Variants in LRRC4C observed in about 807,000 individuals in gnomAD.
LRRC4C encodes the protein leucine rich repeat containing 4C.
A neutral mutation model predicts 33.6 loss-of-function variants in LRRC4C; 5 were observed. The observed-to-expected ratio is 0.15, with a 90% CI of 0.08 to 0.31. The LOEUF (loss-of-function observed/expected upper bound fraction) is 0.31. Among genes scored for constraint, LRRC4C ranks in the 10% least tolerant of loss-of-function variants. The pLI is 1.00. For synonymous variants in LRRC4C, 329 were observed against 302.0 expected (o/e 1.09, Z -0.93); for missense variants, 560 against 796.7 (o/e 0.70, Z 3.58).
chr11:40,317,191 T>C (rs1303616607), intron 4 of LRRC4C, among the ~76,000 whole-genome samples: 2 of 151,834 alleles, frequency 1.3e-5, no homozygotes, highest in East Asian at 3.9e-4. Context: ...TTTTGTTTTT[T>C]TTTTTAGGAG....
chr11:41,215,705 A>G (rs933164032), intron 1 of LRRC4C, among the ~76,000 whole-genome samples: 1 of 152,126 alleles, frequency 6.6e-6, no homozygotes, highest in Non-Finnish European at 1.5e-5. Context: ...TATAGCCTGT[A>G]TCAGTACTTT....
At chr11:41,083,686 A>T (rs963741000) in intron 1 of LRRC4C, among the ~76,000 whole-genome samples, 5 of 152,140 alleles carry the variant, frequency 3.3e-5, no homozygotes, top group Non-Finnish European at 5.9e-5. Flanking sequence ...TAAATATTAT[A>T]AGATGCGGAA....
chr11:41,064,766 A>C (rs577363517), intron 1 of LRRC4C, among the ~76,000 whole-genome samples: 1 of 152,340 alleles, frequency 6.6e-6, no homozygotes, highest in South Asian at 2.1e-4. Flanking sequence ...GGTGTAACCC[A>C]CAGAGGGAGC....
rs1209410081 is a variant in LRRC4C, at chr11:40,987,649, ATATC to A, written c.-495-53930_-495-53927del. Among the ~76,000 whole-genome samples the A allele has an allele frequency of 5.9e-4, 29 of 48,780 alleles. 2 individuals are homozygous for A. The highest frequency in any genetic ancestry group is 3.6e-3 in the South Asian group (5 of 1,372). 32.0% of individuals were successfully genotyped at this position (48,780 alleles called of 152,430 possible). A position where few individuals can be genotyped will look rare whatever the true frequency, so the allele number is the denominator to read the frequency against. ...GGTAATGATATATATATATATATAT[ATATC>A]TCATATATATGAGATATAAATGATA... On this transcript the variant is annotated intron_variant, in intron 1 of 6. Transcript: ENST00000528697.
intron 1 of LRRC4C, among the ~76,000 whole-genome samples, chr11:40,993,068 A>C (rs1443388262): frequency 6.6e-6 from 1 of 152,140 alleles, no homozygotes; most frequent in African/African-American, 2.4e-5. Context: ...GGCAATTAAA[A>C]TAAAATAATA....
intron 1 of LRRC4C, among the ~76,000 whole-genome samples, chr11:41,103,398 C>A (rs747408322): frequency 1.4e-4 from 21 of 151,848 alleles, no homozygotes; most frequent in Non-Finnish European, 2.9e-5. Flanking sequence ...TCTAATGCAG[C>A]CTACCAAATC....
intron 3 of LRRC4C, among the ~76,000 whole-genome samples, chr11:40,602,398 T>C (rs1409855312): frequency 1.3e-5 from 2 of 152,118 alleles, no homozygotes; most frequent in Non-Finnish European, 2.9e-5. Context: ...TATCCATGTG[T>C]GCAAATTGTG....
At chr11:40,605,832 C>T (rs1960524357) in intron 3 of LRRC4C, among the ~76,000 whole-genome samples, 1 of 152,178 alleles carries the variant, frequency 6.6e-6, no homozygotes, top group South Asian at 2.1e-4. Flanking sequence ...TGAGAGAAGC[C>T]TCCCAACTCC....
At chr11:40,988,258 G>A (rs1225547719) in intron 1 of LRRC4C, among the ~76,000 whole-genome samples, 1 of 152,156 alleles carries the variant, frequency 6.6e-6, no homozygotes, top group Non-Finnish European at 1.5e-5. Flanking sequence ...CACGGTCCCA[G>A]CTCCACAATG....
intron 3 of LRRC4C, among the ~76,000 whole-genome samples, chr11:40,531,612 C>T (rs554711507): frequency 6.6e-6 from 1 of 152,208 alleles, no homozygotes; most frequent in South Asian, 2.1e-4. Context: ...CAGTAAATAT[C>T]ACTTTTTGCC....
chr11:40,641,556 C>T (rs1391482398), intron 3 of LRRC4C, among the ~76,000 whole-genome samples: 4 of 152,002 alleles, frequency 2.6e-5, no homozygotes, highest in Non-Finnish European at 5.9e-5. Context: ...ATTGCCTTAT[C>T]AAATATACAA....
At position 40,375,960 on chromosome 11, in the gene LRRC4C, C is replaced by T. The variant is rs1565327510; in HGVS notation, c.-269-56239G>A. ...AATACAAGTAATTAACTTAAAATGT[C>T]ATTTGAACTTCAATCATATAATTTA... On this transcript the variant is annotated intron_variant, in intron 3 of 6. Transcript: ENST00000528697. Among the ~76,000 whole-genome samples the T allele has an allele frequency of 2.6e-5, 4 of 152,230 alleles. No individual in the cohort carries two copies. In the South Asian group the frequency reaches 6.2e-4, roughly 24 times the overall value.
intron 3 of LRRC4C, among the ~76,000 whole-genome samples, chr11:40,584,865 G>A (rs1387366728): frequency 6.6e-6 from 1 of 151,492 alleles, no homozygotes; most frequent in African/African-American, 2.4e-5. Context: ...CTGGGAGGCG[G>A]AGGTTGCAGT....
chr11:41,412,532 T>G (rs1207897622), intron 1 of LRRC4C, among the ~76,000 whole-genome samples: 1 of 152,156 alleles, frequency 6.6e-6, no homozygotes, highest in Non-Finnish European at 1.5e-5. Flanking sequence ...GGAGGGTGAT[T>G]AAGACCAGTT....
intron 1 of LRRC4C, among the ~76,000 whole-genome samples, chr11:41,031,101 T>G (rs944139658): frequency 3.3e-5 from 5 of 151,950 alleles, no homozygotes; most frequent in African/African-American, 1.2e-4. Flanking sequence ...ACTCATGCTA[T>G]TGCTTTCACG....
At chr11:41,406,581 A>G (rs1954242746) in intron 1 of LRRC4C, among the ~76,000 whole-genome samples, 1 of 151,840 alleles carries the variant, frequency 6.6e-6, no homozygotes, top group African/African-American at 2.4e-5. Context: ...CATATGATCC[A>G]CCTCTTACTG....
intron 1 of LRRC4C, among the ~76,000 whole-genome samples, chr11:41,299,621 T>C (rs146352522): frequency 1.3e-5 from 2 of 152,260 alleles, no homozygotes; most frequent in East Asian, 1.9e-4. Context: ...ATAAAGTGAA[T>C]TTATGATCCA....
At chr11:41,400,595 C>T (rs1162942952) in intron 1 of LRRC4C, among the ~76,000 whole-genome samples, 2 of 151,354 alleles carry the variant, frequency 1.3e-5, no homozygotes, top group African/African-American at 2.4e-5. Flanking sequence ...TTTTTTAATG[C>T]TGCTAATGGG....
intron 3 of LRRC4C, among the ~76,000 whole-genome samples, chr11:40,388,480 T>C (rs1949203922): frequency 6.6e-6 from 1 of 152,140 alleles, no homozygotes; most frequent in South Asian, 2.1e-4. Context: ...CTGATAGCCC[T>C]TCCCAAACCT....
Sources: allele counts gnomAD v4.1 joint callset (sites outside exome capture counted in the v4.1 genomes callset), GRCh38; gene constraint gnomAD v4.1.1; transcripts MANE v1.5; gene names NCBI Gene and HGNC (gene_info 2026-07-23, HGNC 2026-07-21).